The following KCNT2 variants were observed in gnomAD, a reference collection of about 807,000 sequenced individuals.
The protein encoded by KCNT2 is potassium channel subfamily T member 2.
Under a neutral mutation model 153.8 loss-of-function variants are expected in KCNT2, and 67 were observed. The ratio of observed to expected loss-of-function variants is 0.44; its 90% CI spans 0.36 to 0.53. KCNT2 has a LOEUF of 0.53. KCNT2 is among the 20% of genes least tolerant of loss of function. The pLI, the probability that KCNT2 is intolerant of heterozygous loss-of-function variation, is 0.00. For synonymous variants in KCNT2, 500 were observed against 458.8 expected (o/e 1.09, Z -1.15); for missense variants, 975 against 1,354.8 (o/e 0.72, Z 4.40).
In KCNT2 at chr1:196,364,131, T is replaced by C. The variant is rs143914430; in HGVS notation, c.1403+9009A>G. ...CAAATAAGGCCTATAATTTAGTCAA[T>C]AGTATTGTATCAGTGTTAACCCCTT... On this transcript the variant is annotated intron_variant, in intron 14 of 27. Transcript: ENST00000294725. Among the ~76,000 whole-genome samples the C allele has an allele frequency of 5.8e-3, 884 of 152,226 alleles. 7 individuals are homozygous for C. The highest frequency in any genetic ancestry group is 0.017 in the Middle Eastern group (5 of 294).
chr1:196,421,458 G>T (rs1644175544), intron 12 of KCNT2, among the ~76,000 whole-genome samples: 1 of 151,906 alleles, frequency 6.6e-6, no homozygotes, highest in Non-Finnish European at 1.5e-5. Flanking sequence ...ACCAAATATA[G>T]AAACACTTGA....
chr1:196,313,972 A>T (rs1662451595), intron 21 of KCNT2, among the ~76,000 whole-genome samples: 1 of 151,620 alleles, frequency 6.6e-6, no homozygotes, highest in African/African-American at 2.4e-5. Context: ...TCATTCAACA[A>T]GTGGTAATCA....
At chr1:196,337,364 C>T (rs1192603990) in intron 16 of KCNT2, among the ~76,000 whole-genome samples, 1 of 152,062 alleles carries the variant, frequency 6.6e-6, no homozygotes, top group African/African-American at 2.4e-5. Context: ...ATAGTCTGAT[C>T]CTTGCTCCAA....
intron 1 of KCNT2, 109 bp downstream of exon 1, chr1:196,608,106 C>T: frequency 2.2e-6 from 2 of 926,410 alleles, no homozygotes; most frequent in South Asian, 2.6e-5. Context: ...GCCTAGTCTC[C>T]CTCTCTGGCT....
chr1:196,374,499 A>T (rs1231535988), intron 13 of KCNT2, among the ~76,000 whole-genome samples: 1 of 151,860 alleles, frequency 6.6e-6, no homozygotes, highest in African/African-American at 2.4e-5. Context: ...ACTCAAAAAT[A>T]CAAAAATATC....
intron 17 of KCNT2, among the ~76,000 whole-genome samples, chr1:196,332,932 G>A (rs1664612644): frequency 6.6e-6 from 1 of 151,474 alleles, no homozygotes; most frequent in African/African-American, 2.4e-5. Flanking sequence ...TTGCAGGCGC[G>A]CACCACCACT....
Position 196,329,603 on chromosome 1 carries a change from T to A in KCNT2, c.2103+1553A>T, listed in dbSNP as rs1005728143. 9.2e-5 allele frequency among the ~76,000 whole-genome samples: 14 copies of A among 151,690 alleles called. 1 individual carries two copies. The South Asian group carries it at 2.7e-3, about 29-fold the overall frequency. On this transcript the variant is annotated intron_variant, in intron 18 of 27. Transcript: ENST00000294725. ...GACTGAAGCATATATTATTTTAAGA[T>A]TTATCCATAAAGAAAATAACAACAA... is the stretch of plus-strand genomic sequence containing the variant.
At chr1:196,265,258 G>A (rs746831327) in intron 25 of KCNT2, among the ~76,000 whole-genome samples, 4 of 152,110 alleles carry the variant, frequency 2.6e-5, no homozygotes, top group Admixed American at 2.6e-4. Flanking sequence ...TTGTATTGTC[G>A]AGACAATTAT....
chr1:196,293,858 T>A (rs1660422689), intron 22 of KCNT2, among the ~76,000 whole-genome samples: 3 of 109,638 alleles, frequency 2.7e-5, no homozygotes, highest in African/African-American at 1.0e-4. Flanking sequence ...TTCTGCACAG[T>A]CAAAAAAAAA....
At chr1:196,348,697 A>G (rs1666349299) in intron 14 of KCNT2, among the ~76,000 whole-genome samples, 1 of 152,106 alleles carries the variant, frequency 6.6e-6, no homozygotes, top group Non-Finnish European at 1.5e-5. Flanking sequence ...TAAAAAACCA[A>G]ATGGAGTACA....
intron 21 of KCNT2, among the ~76,000 whole-genome samples, chr1:196,314,162 T>C (rs1662472283): frequency 6.6e-6 from 1 of 151,622 alleles, no homozygotes; most frequent in African/African-American, 2.4e-5. Context: ...ATCCAGAGAA[T>C]ATATAATAAA....
At chr1:196,341,550 T>G (rs1259614301) in intron 15 of KCNT2, among the ~76,000 whole-genome samples, 2 of 151,988 alleles carry the variant, frequency 1.3e-5, no homozygotes, top group African/African-American at 4.8e-5. Flanking sequence ...GATAATATGT[T>G]ATTTTCATTA....
intron 22 of KCNT2, among the ~76,000 whole-genome samples, chr1:196,300,716 T>C (rs1661109230): frequency 6.6e-6 from 1 of 152,178 alleles, no homozygotes; most frequent in Non-Finnish European, 1.5e-5. Context: ...AGTCTTTATT[T>C]CTGAAGACAT....
intron 25 of KCNT2, among the ~76,000 whole-genome samples, chr1:196,274,557 AGG>A (rs1221860961): frequency 6.6e-6 from 1 of 151,730 alleles, no homozygotes; most frequent in Non-Finnish European, 1.5e-5. Context: ...ATTTTATAAT[AGG>A]TAAATTTGTA....
At chr1:196,293,582 T>C (rs1660395679) in intron 22 of KCNT2, among the ~76,000 whole-genome samples, 1 of 152,142 alleles carries the variant, frequency 6.6e-6, no homozygotes, top group African/African-American at 2.4e-5. Context: ...TAAACTGTGC[T>C]GGGAAAACTG....
At chr1:196,592,439 CATT>C (rs1663481333) in intron 1 of KCNT2, among the ~76,000 whole-genome samples, 1 of 148,172 alleles carries the variant, frequency 6.7e-6, no homozygotes, top group African/African-American at 2.5e-5. Flanking sequence ...TAATCTTATT[CATT>C]CTAACTGTAT....
At chr1:196,511,116 A>AACACACACAC (rs35177032) in intron 1 of KCNT2, among the ~76,000 whole-genome samples, 51 of 146,568 alleles carry the variant, frequency 3.5e-4, no homozygotes, top group African/African-American at 7.6e-4. Context: ...AAACACACAC[A>AACACACACAC]ACACACACAC....
At chr1:196,429,299 T>C (rs115695087) in intron 9 of KCNT2, among the ~76,000 whole-genome samples, 3,211 of 152,020 alleles carry the variant, frequency 0.021, 110 homozygotes, top group African/African-American at 0.072. Context: ...CTATATTTAA[T>C]ATAATTAAGT....
At chr1:196,364,099 T>A (rs1441854393) in intron 14 of KCNT2, among the ~76,000 whole-genome samples, 2 of 151,922 alleles carry the variant, frequency 1.3e-5, no homozygotes, top group African/African-American at 4.8e-5. Flanking sequence ...TGAAAAAAAA[T>A]AAAATTCAAA....
Sources: allele counts gnomAD v4.1 joint callset (sites outside exome capture counted in the v4.1 genomes callset), GRCh38; gene constraint gnomAD v4.1.1; transcripts MANE v1.5; gene names NCBI Gene and HGNC (gene_info 2026-07-23, HGNC 2026-07-21).